The following DPP6 variants were observed in gnomAD, a reference collection of about 807,000 sequenced individuals.
The protein encoded by DPP6 is A-type potassium channel modulatory protein DPP6.
DPP6 carries 69 observed loss-of-function variants against 122.6 expected under a neutral mutation model. The ratio of observed to expected loss-of-function variants is 0.56; its 90% CI spans 0.46 to 0.69. The LOEUF (loss-of-function observed/expected upper bound fraction) is 0.69. Among genes scored for constraint, DPP6 ranks in the 30% least tolerant of loss-of-function variants. DPP6 has a pLI of 0.00. For missense variants in DPP6, 928 were observed against 1,116.9 expected (o/e 0.83, Z 2.41); for synonymous variants, 418 against 433.1 (o/e 0.97, Z 0.43).
At chr7:154,680,587 A>G (rs950667725) in intron 7 of DPP6, among the ~76,000 whole-genome samples, 3 of 152,236 alleles carry the variant, frequency 2.0e-5, no homozygotes, top group African/African-American at 7.2e-5. Context: ...GGAAAGGATT[A>G]GAAAGTAATA....
Position 154,872,610 on chromosome 7 carries a change from C to T in DPP6, c.1814-14C>T, listed in dbSNP as rs769028833. ...ATTGCCCCCTAACCCGTGCTGTGCT[C>T]TGCTTCTCCCCAGACCTGCCCATGC... is the stretch of plus-strand genomic sequence containing the variant. On this transcript the variant is annotated splice_polypyrimidine_tract_variant and intron_variant, in intron 18 of 25. Transcript: ENST00000377770. 1 of 1,592,502 alleles carries T rather than the reference C, an allele frequency of 6.3e-7. No individual in the cohort carries two copies. The highest frequency in any genetic ancestry group is 2.3e-5 in the East Asian group (1 of 43,708).
chr7:154,071,944 C>G (rs949712204), intron 1 of DPP6, among the ~76,000 whole-genome samples: 14 of 152,256 alleles, frequency 9.2e-5, no homozygotes, highest in African/African-American at 3.1e-4. Context: ...TTTAAGCAAA[C>G]AAATACAATC....
chr7:154,850,909 A>G (rs189706732), intron 16 of DPP6, among the ~76,000 whole-genome samples: 275 of 152,320 alleles, frequency 1.8e-3, no homozygotes, highest in African/African-American at 6.3e-3. Flanking sequence ...CTAACTTAAA[A>G]TAGAGCAATA....
intron 1 of DPP6, among the ~76,000 whole-genome samples, chr7:153,955,529 C>T (rs1389274341): frequency 1.3e-5 from 2 of 152,130 alleles, no homozygotes; most frequent in Non-Finnish European, 2.9e-5. Context: ...ACCTCTGCCT[C>T]CCAGGTTCAA....
At chr7:153,855,041 G>A in the DPP6 span, among the ~76,000 whole-genome samples, 2 of 128,516 alleles carry the variant, frequency 1.6e-5, no homozygotes, top group Non-Finnish European at 1.6e-5. Flanking sequence ...TGAACAATGA[G>A]ATCACATGGA....
chr7:154,299,971 G>A (rs751146611), intron 1 of DPP6, among the ~76,000 whole-genome samples: 7 of 152,176 alleles, frequency 4.6e-5, no homozygotes, highest in East Asian at 1.9e-4. Flanking sequence ...CACATCTGGA[G>A]GGGGGAGAAT....
At chr7:154,338,849 G>A (rs993205934) in intron 1 of DPP6, among the ~76,000 whole-genome samples, 1 of 152,086 alleles carries the variant, frequency 6.6e-6, no homozygotes, top group Non-Finnish European at 1.5e-5. Flanking sequence ...TGACCTGAAA[G>A]AAGATGTTGG....
Position 154,403,260 on chromosome 7 carries a change from G to A in DPP6, c.244-42954G>A, listed in dbSNP as rs1014824927. 1.3e-5 allele frequency among the ~76,000 whole-genome samples: 2 copies of A among 152,208 alleles called. No individual in the cohort carries two copies. Among genetic ancestry groups the A allele is most frequent in the African/African-American group, 4.8e-5 (2 of 41,458 alleles). On this transcript the variant is annotated intron_variant, in intron 1 of 25. Transcript: ENST00000377770. This position sits in a 1 kb window ranked among gnomAD's most constrained non-coding sequence, Gnocchi z 4.1. ...ATGTGCTGCTGGCCTCAGAATGTCTGCCTCTGACTATGCAGGAGGTTGCTG... is the reference window on the plus strand; with the variant it reads ...ATGTGCTGCTGGCCTCAGAATGTCTACCTCTGACTATGCAGGAGGTTGCTG...
intron 1 of DPP6, among the ~76,000 whole-genome samples, chr7:154,366,337 C>G (rs926717148): frequency 6.6e-5 from 10 of 152,164 alleles, no homozygotes; most frequent in African/African-American, 2.4e-4. Context: ...TTCCCTGCAT[C>G]TACAACCAAA....
chr7:154,226,035 G>A (rs1380373629), intron 1 of DPP6, among the ~76,000 whole-genome samples: 1 of 152,168 alleles, frequency 6.6e-6, no homozygotes, highest in Non-Finnish European at 1.5e-5. Flanking sequence ...GACACAACTA[G>A]AACCTTGTCT....
chr7:153,982,545 A>G (rs1796639907), intron 1 of DPP6, among the ~76,000 whole-genome samples: 2 of 151,858 alleles, frequency 1.3e-5, no homozygotes, highest in Non-Finnish European at 1.5e-5. Flanking sequence ...GCCTACTGTC[A>G]ATTTGTCAAA....
chr7:154,721,258 C>T (rs1291340453), intron 7 of DPP6, among the ~76,000 whole-genome samples: 1 of 152,208 alleles, frequency 6.6e-6, no homozygotes, highest in Non-Finnish European at 1.5e-5. Context: ...CCTGGCTCCT[C>T]CTTCCGCTAA....
intron 17 of DPP6, among the ~76,000 whole-genome samples, chr7:154,855,667 G>A (rs1318101142): frequency 6.6e-6 from 1 of 152,210 alleles, no homozygotes; most frequent in Non-Finnish European, 1.5e-5. Context: ...GGCCGCAGAG[G>A]CCAAGCTAGA....
At chr7:154,001,953 C>T (rs1356799908) in intron 1 of DPP6, among the ~76,000 whole-genome samples, 1 of 151,878 alleles carries the variant, frequency 6.6e-6, no homozygotes, top group Non-Finnish European at 1.5e-5. Context: ...GGAGGCTTTT[C>T]TGAACTCCTA....
intron 1 of DPP6, among the ~76,000 whole-genome samples, chr7:154,245,766 CATCT>C (rs921780858): frequency 6.6e-6 from 1 of 151,174 alleles, no homozygotes; most frequent in African/African-American, 2.4e-5. Flanking sequence ...AAGATATAAA[CATCT>C]ATGTATATAG....
At chr7:154,777,708 G>T (rs1427340525) in intron 10 of DPP6, among the ~76,000 whole-genome samples, 1 of 152,046 alleles carries the variant, frequency 6.6e-6, no homozygotes, top group African/African-American at 2.4e-5. Context: ...TGCCTCCAAA[G>T]ATCCTGTTTG....
At chr7:154,478,105 G>A (rs192195082) in intron 3 of DPP6, among the ~76,000 whole-genome samples, 229 of 151,926 alleles carry the variant, frequency 1.5e-3, no homozygotes, top group Non-Finnish European at 1.1e-3. Context: ...AATGATGAAC[G>A]GAGTCTTTAT....
At chr7:154,368,398 C>T (rs750445140) in intron 1 of DPP6, among the ~76,000 whole-genome samples, 35 of 152,254 alleles carry the variant, frequency 2.3e-4, no homozygotes, top group African/African-American at 8.2e-4. Context: ...CCAAGCCCAC[C>T]GAATCATTAT....
intron 1 of DPP6, among the ~76,000 whole-genome samples, chr7:154,321,348 T>C (rs1563475136): frequency 6.6e-6 from 1 of 151,910 alleles, no homozygotes; most frequent in African/African-American, 2.4e-5. Flanking sequence ...CTACTCTCCT[T>C]AAGATGAACA....
Sources: allele counts gnomAD v4.1 joint callset (sites outside exome capture counted in the v4.1 genomes callset), GRCh38; gene constraint gnomAD v4.1.1; non-coding constraint Gnocchi (gnomAD v3.1); transcripts MANE v1.5; gene names NCBI Gene and HGNC (gene_info 2026-07-23, HGNC 2026-07-21).